MBD1: variants seen among roughly 807,000 people sequenced by gnomAD.
MBD1 encodes methyl-CpG-binding domain protein 1.
MBD1 carries 25 observed loss-of-function variants against 82.6 expected under a neutral mutation model. The ratio of observed to expected loss-of-function variants is 0.30; its 90% confidence interval spans 0.22 to 0.42. The LOEUF (loss-of-function observed/expected upper bound fraction) is 0.42, where lower values mean the gene tolerates loss of function less well. MBD1 is among the 10% of genes least tolerant of loss of function. The pLI is 1.00. For synonymous variants in MBD1, 301 were observed against 303.7 expected (o/e 0.99, Z 0.09); for missense variants, 627 against 819.6 (o/e 0.76, Z 2.87).
At chr18:50,273,070 C>G in intron 13 of MBD1, 115 bp from the exon 14 acceptor site, 6 of 1,387,770 alleles carry the variant, frequency 4.3e-6, no homozygotes, top group Non-Finnish European at 6.0e-6. Context: ...CATTTCAACA[C>G]AGAAAGTCCA....
chr18:50,267,492 G>A (rs148734247), downstream of MBD1: 2,281 of 778,822 alleles, frequency 2.9e-3, 5 homozygotes, highest in Non-Finnish European at 3.4e-3. Context: ...ATAATTAAGA[G>A]TCTGAGGGTC....
downstream of MBD1, chr18:50,266,995 G>C (rs539674207): frequency 6.3e-6 from 1 of 157,484 alleles, no homozygotes; most frequent in East Asian, 1.9e-4. Context: ...GTGGAGTGCA[G>C]TGGCGTGATC....
intron 15 of MBD1, 79 bp downstream of exon 15, chr18:50,272,598 C>T: frequency 6.6e-7 from 1 of 1,523,766 alleles, no homozygotes. Context: ...TGCCAAACTG[C>T]CGGCTATACT....
At chr18:50,277,550 G>A (rs1007812938) in intron 2 of MBD1, among the ~76,000 whole-genome samples, 1 of 134,964 alleles carries the variant, frequency 7.4e-6, no homozygotes, top group African/African-American at 2.7e-5. Context: ...ACATATAAAT[G>A]TTAGCATTAT....
chr18:50,277,104 A>G lies in MBD1; in HGVS notation c.211T>C (p.Tyr71His), dbSNP rs1196461380. 6.2e-7 allele frequency: 1 copy of G among 1,614,132 alleles called. No individual in the cohort carries two copies. Among genetic ancestry groups the G allele is most frequent in the Admixed American group, 1.7e-5 (1 of 60,012 alleles). ...LFDFKQGILC[Y>H]PAPKAHPVAV... ...TTGTGAAGTACCTTGGGGGCTGGAT[A>G]GCACAAGATGCCTTGTTTGAAGTCG... The change falls in exon 3 of 17, where the codon TAT becomes CAT. Residue 71 changes from tyrosine to histidine, a missense_variant. Tyr to His is a moderately conservative substitution (Grantham distance 83). Coordinates refer to ENST00000269468, the MANE Select transcript of MBD1 (RefSeq NM_015846.4).
chr18:50,269,136 T>C lies in MBD1; in HGVS notation c.*715A>G, dbSNP rs1383524459. Reference sequence around the variant, plus strand: ...TGCCTACCACAGGCCAGGTTCTCAATACTTGAATAAATGACACAAAAATAG... The same window carrying C: ...TGCCTACCACAGGCCAGGTTCTCAACACTTGAATAAATGACACAAAAATAG... On this transcript the variant is annotated 3_prime_UTR_variant, in exon 17 of 17. Coordinates refer to ENST00000269468, the MANE Select transcript of MBD1 (RefSeq NM_015846.4). The C allele has an allele frequency of 1.9e-6, 2 of 1,037,354 alleles. No homozygotes were observed. Among genetic ancestry groups the C allele is most frequent in the Non-Finnish European group, 1.2e-6 (1 of 861,302 alleles). The allele number at this position is 1,037,354 out of a possible 1,614,324, so 64.3% of individuals were successfully genotyped here. A position where few individuals can be genotyped will look rare whatever the true frequency, so the allele number is the denominator to read the frequency against.
At chr18:50,274,156 C>T in intron 11 of MBD1, 30 bp downstream of exon 11, 1 of 1,613,036 alleles carries the variant, frequency 6.2e-7, no homozygotes. Context: ...CAACCTATCC[C>T]GTCCACCTGA....
chr18:50,273,930 TC>T, intron 11 of MBD1, 67 bp from the exon 12 acceptor site: 1 of 1,572,818 alleles, frequency 6.4e-7, no homozygotes. Context: ...CCTGCCCGGC[TC>T]CACATGCCTG....
In MBD1 at chr18:50,275,190, C is replaced by T. The variant is rs746395056; in HGVS notation, c.848G>A (p.Arg283His). The T allele has an allele frequency of 1.5e-5, 24 of 1,613,944 alleles. No individual in the cohort carries two copies. The highest frequency in any genetic ancestry group is 1.1e-4 in the East Asian group (5 of 44,878). The change falls in exon 9 of 17, where the codon CGC (arginine) becomes CAC (histidine). Residue 283 changes from arginine (R) to histidine (H), a missense_variant. Arg to His is a conservative substitution (Grantham distance 29, BLOSUM62 0). Coordinates refer to ENST00000269468, the MANE Select transcript of MBD1 (RefSeq NM_015846.4). ...GCDSKMAARR[R>H]PGAQPLPPPP... is the part of the protein sequence containing the mutation. ...TGGAGGCAGTGGCTGGGCTCCGGGG[C>T]GCCGCCTGGCAGCCATCTTGGAGTC...
chr18:50,269,467 T>C lies in MBD1; in HGVS notation c.*384A>G, dbSNP rs974785330. 4 of 743,726 alleles carry C rather than the reference T, an allele frequency of 5.4e-6. No individual in the cohort carries two copies. The highest frequency in any genetic ancestry group is 2.7e-5 in the East Asian group (1 of 37,204). The allele number at this position is 743,726 out of a possible 1,614,324, so 46.1% of individuals were successfully genotyped here. ...ATTGTTTTTACACTTGGAAGGTTGGTGCTGGGGCACCAGGCGTTGTTGCAG... is the reference window on the plus strand; with the variant it reads ...ATTGTTTTTACACTTGGAAGGTTGGCGCTGGGGCACCAGGCGTTGTTGCAG... On this transcript the variant is annotated 3_prime_UTR_variant, in exon 17 of 17. Coordinates refer to ENST00000269468, the MANE Select transcript of MBD1 (RefSeq NM_015846.4).
At chr18:50,280,478 T>G (rs1568274910) in intron 1 of MBD1, among the ~76,000 whole-genome samples, 2 of 151,438 alleles carry the variant, frequency 1.3e-5, no homozygotes, top group African/African-American at 4.9e-5. Flanking sequence ...AGTCTCTCAT[T>G]CCCCCCTTCC....
chr18:50,273,250 C>G (rs1170963828), intron 13 of MBD1, 84 bp downstream of exon 13: 1 of 1,567,086 alleles, frequency 6.4e-7, no homozygotes, highest in Non-Finnish European at 8.7e-7. Flanking sequence ...TTGCTCTGCT[C>G]AAGAGAACCA....
Position 50,281,500 on chromosome 18 carries a change from C to T in MBD1, c.-163G>A. 2 of 581,620 alleles carry T rather than the reference C, an allele frequency of 3.4e-6. No homozygotes were observed. Among genetic ancestry groups the T allele is most frequent in the Non-Finnish European group, 6.1e-6 (2 of 327,434 alleles). The allele number at this position is 581,620 out of a possible 1,614,324, so 36.0% of individuals were successfully genotyped here. ...GCCTCCTCTGAAGCGGTAGCTGTCG[C>T]CTCCGCGGCTGTTCGTTGCTCCCGG... On this transcript the variant is annotated 5_prime_UTR_variant, in exon 1 of 17. Transcript: ENST00000269468.
At chr18:50,267,511 C>A, downstream of MBD1, 1 of 941,536 alleles carries the variant, frequency 1.1e-6, no homozygotes, top group South Asian at 1.4e-5. Context: ...TCACAGTGGA[C>A]CAGGGTCAGG....
chr18:50,269,330 T>G lies in MBD1; in HGVS notation c.*521A>C. The G allele has an allele frequency of 7.7e-7, 1 of 1,293,104 alleles. No individual in the cohort carries two copies. Among genetic ancestry groups the G allele is most frequent in the Non-Finnish European group, 9.9e-7 (1 of 1,010,196 alleles). The allele number at this position is 1,293,104 out of a possible 1,614,324, so 80.1% of individuals were successfully genotyped here. A position where few individuals can be genotyped will look rare whatever the true frequency, so the allele number is the denominator to read the frequency against. On this transcript the variant is annotated 3_prime_UTR_variant, in exon 17 of 17. Coordinates refer to ENST00000269468, the MANE Select transcript of MBD1 (RefSeq NM_015846.4). ...GGAGCGGATTCATGGTAGGGTGGCT[T>G]TGTAATGTGTCACCTTGGTGAGGCT...
chr18:50,267,616 A>G (rs1222204297), downstream of MBD1: 16 of 1,535,930 alleles, frequency 1.0e-5, no homozygotes, highest in African/African-American at 1.4e-5. Flanking sequence ...CCTGCAGCAC[A>G]GGTGGTAACC....
At chr18:50,274,561 A>AT (rs1157229071) in intron 10 of MBD1, among the ~76,000 whole-genome samples, 1 of 152,156 alleles carries the variant, frequency 6.6e-6, no homozygotes, top group Non-Finnish European at 1.5e-5. Context: ...CTGGCCCTCG[A>AT]TACCATTAGG....
At chr18:50,281,109 G>A (rs2040083374) in intron 1 of MBD1, 6 of 1,501,232 alleles carry the variant, frequency 4.0e-6, no homozygotes, top group Non-Finnish European at 5.4e-6. Context: ...TCCCTTTAGC[G>A]TTCTGATCTC....
At chr18:50,281,695 C>T (rs1408582888), upstream of MBD1, 1 of 419,506 alleles carries the variant, frequency 2.4e-6, no homozygotes, top group Non-Finnish European at 4.2e-6. Context: ...TGCGTGCTGA[C>T]GTTCAACGAC....
Sources: allele counts gnomAD v4.1 joint callset (sites outside exome capture counted in the v4.1 genomes callset), GRCh38; gene constraint gnomAD v4.1.1; transcripts MANE v1.5; gene names NCBI Gene and HGNC (gene_info 2026-07-23, HGNC 2026-07-21).